Variants in BORCS5 observed in about 807,000 individuals in gnomAD.
BORCS5 encodes BLOC-1 related complex subunit 5.
BORCS5 carries 17 observed loss-of-function variants against 22.1 expected under a neutral mutation model. The ratio of observed to expected loss-of-function variants is 0.77; its 90% CI spans 0.53 to 1.15. BORCS5 has a LOEUF of 1.15. Among genes scored for constraint, BORCS5 ranks in the 50% most tolerant of loss-of-function variants. The pLI is 0.00. For missense variants in BORCS5, 247 were observed against 253.2 expected, an observed-to-expected ratio of 0.98 and a Z score of 0.17; for synonymous variants, 117 against 99.8, an observed-to-expected ratio of 1.17 and a Z score of -1.03.
chr12:12,462,011 A>C (rs570973649), intron 3 of BORCS5, among the ~76,000 whole-genome samples: 2 of 152,342 alleles, frequency 1.3e-5, no homozygotes, highest in African/African-American at 4.8e-5. Flanking sequence ...AGTCATGTTA[A>C]CAGAAACAGT....
chr12:12,470,840 G>A lies in BORCS5; in HGVS notation c.*5064G>A, dbSNP rs1451780596. On this transcript the variant is annotated 3_prime_UTR_variant, in exon 4 of 4. Coordinates refer to ENST00000314565, the MANE Select transcript of BORCS5 (RefSeq NM_058169.6). ...AGGATGACCAGCGTTATGCTGGTGTGTGCGTGTCCATGCCTCCGGGATTTT... is the reference window on the plus strand; with the variant it reads ...AGGATGACCAGCGTTATGCTGGTGTATGCGTGTCCATGCCTCCGGGATTTT... Among the ~76,000 whole-genome samples the A allele has an allele frequency of 6.6e-6, 1 of 152,094 alleles. No homozygotes were observed. The highest frequency in any genetic ancestry group is 1.9e-4 in the East Asian group (1 of 5,192).
At chr12:12,385,514 CTT>C (rs568909483) in intron 2 of BORCS5, among the ~76,000 whole-genome samples, 11 of 143,338 alleles carry the variant, frequency 7.7e-5, no homozygotes, top group Non-Finnish European at 4.6e-5. Flanking sequence ...TACCCAAGTT[CTT>C]TTTTTTTTTT....
At chr12:12,397,274 A>T (rs532584585) in intron 2 of BORCS5, among the ~76,000 whole-genome samples, 62 of 152,264 alleles carry the variant, frequency 4.1e-4, no homozygotes, top group South Asian at 1.0e-3. Context: ...TGATTCCCCT[A>T]GGGTGACAGT....
intron 3 of BORCS5, among the ~76,000 whole-genome samples, chr12:12,444,525 T>C (rs1363708647): frequency 6.6e-6 from 1 of 152,222 alleles, no homozygotes; most frequent in Non-Finnish European, 1.5e-5. Context: ...AGAACTCAAT[T>C]ACATGGCCAC....
chr12:12,437,728 T>G (rs558288844), intron 3 of BORCS5, among the ~76,000 whole-genome samples: 5 of 152,320 alleles, frequency 3.3e-5, no homozygotes, highest in Non-Finnish European at 7.4e-5. Context: ...TTTAGAACAT[T>G]CTTTGGGAAA....
At chr12:12,462,991 C>T (rs937129279) in intron 3 of BORCS5, among the ~76,000 whole-genome samples, 1 of 152,020 alleles carries the variant, frequency 6.6e-6, no homozygotes, top group Non-Finnish European at 1.5e-5. Flanking sequence ...GTGAGGCAAC[C>T]CTAGGTGATA....
intron 2 of BORCS5, among the ~76,000 whole-genome samples, chr12:12,430,477 C>T (rs2136118410): frequency 6.6e-6 from 1 of 152,060 alleles, no homozygotes; most frequent in Non-Finnish European, 1.5e-5. Context: ...ATGTGTTCGG[C>T]CATATGAACT....
rs376478744 is a variant in BORCS5, at chr12:12,465,760, G to A, written c.575G>A (p.Arg192His). Residue 192 changes from arginine to histidine, a missense_variant, in exon 4 of 4, where the codon CGC becomes CAC. By Grantham distance (29) the Arg-to-His change is conservative (BLOSUM62 0). Coordinates refer to ENST00000314565, the MANE Select transcript of BORCS5 (RefSeq NM_058169.6). Reference sequence around the variant, plus strand: ...GAGCCCTTCAGCATGAAGCCCGACCGCGAGCTCAGGCTGTAGCTGCTGCCC... The same window carrying A: ...GAGCCCTTCAGCATGAAGCCCGACCACGAGCTCAGGCTGTAGCTGCTGCCC... ...RLEPFSMKPD[R>H]ELRL is the part of the protein sequence containing the mutation. 113 of 1,612,616 alleles carry A rather than the reference G, an allele frequency of 7.0e-5. No homozygotes were observed. Among genetic ancestry groups the A allele is most frequent in the Non-Finnish European group, 8.9e-5 (105 of 1,179,634 alleles).
chr12:12,457,483 C>A (rs1218027125), intron 3 of BORCS5, among the ~76,000 whole-genome samples: 2 of 152,318 alleles, frequency 1.3e-5, no homozygotes, highest in East Asian at 3.9e-4. Flanking sequence ...TCCTGGCTAA[C>A]ACGGTGAAAC....
chr12:12,405,628 A>G (rs1407218813), intron 2 of BORCS5, among the ~76,000 whole-genome samples: 1 of 152,212 alleles, frequency 6.6e-6, no homozygotes, highest in Non-Finnish European at 1.5e-5. Context: ...CATCATTAAT[A>G]TTAGGCATTA....
At chr12:12,391,794 G>A (rs1202534593) in intron 2 of BORCS5, among the ~76,000 whole-genome samples, 2 of 149,500 alleles carry the variant, frequency 1.3e-5, no homozygotes, top group African/African-American at 4.9e-5. Flanking sequence ...CACTTTGGGA[G>A]GCCAAGGTGG....
chr12:12,357,854 A>G (rs1251898540), intron 1 of BORCS5, among the ~76,000 whole-genome samples: 1 of 152,238 alleles, frequency 6.6e-6, no homozygotes, highest in Non-Finnish European at 1.5e-5. Flanking sequence ...TGGATGGATT[A>G]TAGGACCTCT....
intron 2 of BORCS5, among the ~76,000 whole-genome samples, chr12:12,392,738 T>C (rs757355117): frequency 3.3e-5 from 5 of 152,146 alleles, no homozygotes; most frequent in Admixed American, 1.3e-4. Context: ...CAAATTATTA[T>C]AGAAAGTTCT....
At chr12:12,359,726 T>A (rs538245445) in intron 1 of BORCS5, among the ~76,000 whole-genome samples, 112 of 151,784 alleles carry the variant, frequency 7.4e-4, no homozygotes, top group African/African-American at 2.6e-3. Context: ...GGCCAGTCAT[T>A]CGGGGGTTGA....
At chr12:12,458,641 C>T (rs900166915) in intron 3 of BORCS5, among the ~76,000 whole-genome samples, 4 of 141,742 alleles carry the variant, frequency 2.8e-5, no homozygotes, top group Admixed American at 2.1e-4. Context: ...GGCAGTGGTG[C>T]GATCTTGACT....
intron 3 of BORCS5, among the ~76,000 whole-genome samples, chr12:12,458,495 A>G (rs1592142818): frequency 6.7e-6 from 1 of 150,016 alleles, no homozygotes; most frequent in Non-Finnish European, 1.5e-5. Context: ...ATTTTTGCCC[A>G]TTATTTTCAT....
At chr12:12,404,012 G>A (rs769222503) in intron 2 of BORCS5, among the ~76,000 whole-genome samples, 1 of 152,120 alleles carries the variant, frequency 6.6e-6, no homozygotes, top group Admixed American at 6.5e-5. Context: ...AAAGGCTGAA[G>A]GCAAGTGATT....
At chr12:12,403,699 C>T (rs1461726486) in intron 2 of BORCS5, among the ~76,000 whole-genome samples, 1 of 152,100 alleles carries the variant, frequency 6.6e-6, no homozygotes, top group Non-Finnish European at 1.5e-5. Flanking sequence ...GGACTTGGAA[C>T]GTGGAAACCC....
intron 2 of BORCS5, among the ~76,000 whole-genome samples, chr12:12,414,901 A>G (rs2136094029): frequency 7.2e-6 from 1 of 138,126 alleles, no homozygotes; most frequent in Admixed American, 7.1e-5. Context: ...CGCTCCTCAC[A>G]TCCCAGACAG....
Sources: allele counts gnomAD v4.1 joint callset (sites outside exome capture counted in the v4.1 genomes callset), GRCh38; gene constraint gnomAD v4.1.1; transcripts MANE v1.5; gene names NCBI Gene and HGNC (gene_info 2026-07-23, HGNC 2026-07-21).